Variants in DHX8 observed in about 807,000 individuals in gnomAD.
DHX8 encodes the protein ATP-dependent RNA helicase DHX8.
Under a neutral mutation model 140.7 loss-of-function variants are expected in DHX8, and 67 were observed. The observed-to-expected ratio is 0.48, with a 90% confidence interval of 0.39 to 0.58. The LOEUF is 0.58. DHX8 is among the 20% of genes least tolerant of loss of function. The probability of loss-of-function intolerance (pLI) is 0.00; values close to 1 mark genes in which losing one functional copy is unlikely to be tolerated. For synonymous variants in DHX8, 533 were observed against 553.2 expected, an observed-to-expected ratio of 0.96 and a Z score of 0.51; for missense variants, 887 against 1,550.7, an observed-to-expected ratio of 0.57 and a Z score of 7.19.
rs1189707878 is a variant in DHX8, at chr17:43,524,885, A to T, written c.*1038A>T. 7.1e-6 allele frequency: 7 copies of T among 984,862 alleles called. No homozygotes were observed. The highest frequency in any genetic ancestry group is 8.4e-6 in the Non-Finnish European group (7 of 829,878). 61.0% of individuals were successfully genotyped at this position (984,862 alleles called of 1,614,324 possible). Reference sequence around the variant, plus strand: ...TATCTGTGCTGCAGGGCTTGTTCTTAGTGGTTTTTTCCTAGCACTTGCTTG... The same window carrying T: ...TATCTGTGCTGCAGGGCTTGTTCTTTGTGGTTTTTTCCTAGCACTTGCTTG... On this transcript the variant is annotated 3_prime_UTR_variant, in exon 23 of 23. Transcript: ENST00000262415.
rs769767672 is a variant in DHX8 at position 43,523,672 on chromosome 17, G to A, written c.3488G>A (p.Arg1163His). 1.9e-6 allele frequency: 3 copies of A among 1,614,044 alleles called. No homozygotes were observed. The highest frequency in any genetic ancestry group is 1.7e-6 in the Non-Finnish European group (2 of 1,180,040). Residue 1163 changes from arginine to histidine, a missense_variant, in exon 23 of 23, where the codon CGT becomes CAT. By Grantham distance (29) the Arg-to-His change is conservative. Around this residue, in one of 9 missense-constraint regions of DHX8, gnomAD observed 101 missense variants for 168.2 expected, o/e 0.60. Transcript: ENST00000262415. The part of the protein sequence containing the change: ...ELVLTTKEYM[R>H]EVTTIDPRWL... Reference sequence around the variant, plus strand: ...GTGCTCACCACCAAGGAATACATGCGTGAAGTTACCACCATCGACCCTCGG... The same window carrying A: ...GTGCTCACCACCAAGGAATACATGCATGAAGTTACCACCATCGACCCTCGG...
intron 17 of DHX8, among the ~76,000 whole-genome samples, chr17:43,515,805 G>C (rs1047652957): frequency 2.0e-5 from 3 of 152,136 alleles, no homozygotes; most frequent in African/African-American, 7.2e-5. Flanking sequence ...TGTGATTGCT[G>C]CCTGGATTTG....
At chr17:43,529,122 C>T (rs1425842548), downstream of DHX8, 4 of 1,613,572 alleles carry the variant, frequency 2.5e-6, no homozygotes, top group East Asian at 6.7e-5. Context: ...GTCCCTAGAC[C>T]CACAGCCCCC....
chr17:43,507,731 T>C, intron 14 of DHX8, 43 bp downstream of exon 14: 1 of 1,612,218 alleles, frequency 6.2e-7, no homozygotes, highest in Non-Finnish European at 8.5e-7. Context: ...TGTTGGAAGC[T>C]GAATTCTGGC....
In DHX8 at chr17:43,524,177, A is replaced by C. The variant is rs1399179646; in HGVS notation, c.*330A>C. ...GGTGGAGTGGGTGAGCATCTTGTGCAGGGACATGGTGAGTGCCCTGATGCC... is the reference window on the plus strand; with the variant it reads ...GGTGGAGTGGGTGAGCATCTTGTGCCGGGACATGGTGAGTGCCCTGATGCC... On this transcript the variant is annotated 3_prime_UTR_variant, in exon 23 of 23. Transcript: ENST00000262415. 1 of 1,201,014 alleles carries C rather than the reference A, an allele frequency of 8.3e-7. No individual in the cohort carries two copies. The highest frequency in any genetic ancestry group is 1.0e-6 in the Non-Finnish European group (1 of 955,930). The allele number at this position is 1,201,014 out of a possible 1,614,324, so 74.4% of individuals were successfully genotyped here.
intron 17 of DHX8, among the ~76,000 whole-genome samples, chr17:43,515,289 A>G (rs749706662): frequency 1.3e-5 from 2 of 152,152 alleles, no homozygotes; most frequent in Non-Finnish European, 2.9e-5. Flanking sequence ...CCTGGGTTCA[A>G]GTGATTCCTC....
rs1969541295 is a variant in DHX8, at chr17:43,507,130, G to A, written c.1856G>A (p.Arg619Lys). The change falls in exon 13 of 23, where the codon AGA becomes AAA. Residue 619 changes from arginine to lysine, a missense_variant. This residue lies in a region of DHX8 where 178 missense variants were observed against 398.5 expected (regional missense o/e 0.45). Transcript: ENST00000262415. ...SRGKIGCTQP[R>K]RVAAMSVAKR... Reference sequence around the variant, plus strand: ...GGCAAGATTGGGTGTACCCAGCCCAGAAGAGTGGCAGCTATGTCGGTGGCC... The same window carrying A: ...GGCAAGATTGGGTGTACCCAGCCCAAAAGAGTGGCAGCTATGTCGGTGGCC... 1.2e-6 allele frequency: 2 copies of A among 1,614,042 alleles called. No individual in the cohort carries two copies. The highest frequency in any genetic ancestry group is 8.5e-7 in the Non-Finnish European group (1 of 1,180,034).
chr17:43,506,313 A>G (rs974582703), intron 12 of DHX8, among the ~76,000 whole-genome samples: 3 of 150,386 alleles, frequency 2.0e-5, no homozygotes, highest in African/African-American at 7.3e-5. Flanking sequence ...GCCTTCTTAA[A>G]CAAACAAACA....
intron 22 of DHX8, 98 bp downstream of exon 22, chr17:43,522,324 A>G: frequency 8.5e-7 from 1 of 1,175,800 alleles, no homozygotes; most frequent in Non-Finnish European, 1.2e-6. Context: ...TACTCCCAGT[A>G]TGTCCTAGTA....
downstream of DHX8, chr17:43,526,691 G>C: frequency 6.6e-7 from 1 of 1,508,454 alleles, no homozygotes; most frequent in Non-Finnish European, 8.9e-7. Context: ...CTCTCTCTTC[G>C]TGTGTGTACT....
At chr17:43,508,271 A>G (rs1191046381) in intron 15 of DHX8, 68 bp from the exon 16 acceptor site, 4 of 1,534,930 alleles carry the variant, frequency 2.6e-6, no homozygotes, top group Non-Finnish European at 3.5e-6. Flanking sequence ...TATTAATATC[A>G]CCATAGCCCT....
rs376180309 is a variant in DHX8, at chr17:43,516,557, G to A, written c.2644-610G>A. Among the ~76,000 whole-genome samples the A allele has an allele frequency of 1.8e-3, 275 of 152,086 alleles. 1 individual carries two copies. The highest frequency in any genetic ancestry group is 6.3e-3 in the African/African-American group (260 of 41,458). The stretch of plus-strand genomic sequence containing the variant: ...TCGACCTCCCCAGGCTCAGGTGATC[G>A]TCCCATCTGAGCCTCCTGAATACTG... On this transcript the variant is annotated intron_variant, in intron 17 of 22. Transcript: ENST00000262415.
intron 3 of DHX8, among the ~76,000 whole-genome samples, chr17:43,490,718 A>T (rs540487167): frequency 1.7e-4 from 26 of 152,216 alleles, no homozygotes; most frequent in African/African-American, 5.5e-4. Flanking sequence ...ACAAAAAAAT[A>T]AAAAAATTAG....
chr17:43,497,026 T>C lies in DHX8; in HGVS notation c.1300+758T>C, dbSNP rs181032450. On this transcript the variant is annotated intron_variant, in intron 9 of 22. Coordinates refer to ENST00000262415, the MANE Select transcript of DHX8 (RefSeq NM_004941.3). Reference sequence around the variant, plus strand: ...CGTACTCACCACCCAGCTTAAGAAGTAGAATTTTACAAGCACCTCTGAAGC... The same window carrying C: ...CGTACTCACCACCCAGCTTAAGAAGCAGAATTTTACAAGCACCTCTGAAGC... Among the ~76,000 whole-genome samples, 146 of 152,240 alleles carry C rather than the reference T, an allele frequency of 9.6e-4. 1 individual carries two copies. The highest frequency in any genetic ancestry group is 6.8e-3 in the Middle Eastern group (2 of 294).
downstream of DHX8, among the ~76,000 whole-genome samples, chr17:43,531,125 T>G (rs570057374): frequency 1.4e-4 from 22 of 152,288 alleles, no homozygotes; most frequent in South Asian, 8.3e-4. Flanking sequence ...GGTTCTTAGT[T>G]GGACAGCCTG....
At position 43,513,349 on chromosome 17, in the gene DHX8, C is replaced by G. The variant is rs776543935; in HGVS notation, c.2503-13C>G. ...TGGGCACCTCACTCCAGCTTTGCCC[C>G]TCTTGCCTGCAGGTTGTGATTGCCA... On this transcript the variant is annotated splice_polypyrimidine_tract_variant and intron_variant, in intron 16 of 22. Transcript: ENST00000262415. 1 of 1,611,636 alleles carries G rather than the reference C, an allele frequency of 6.2e-7. No homozygotes were observed. The highest frequency in any genetic ancestry group is 1.1e-5 in the South Asian group (1 of 90,726).
intron 1 of DHX8, among the ~76,000 whole-genome samples, chr17:43,486,191 C>CAAA (rs199805080): frequency 1.1e-5 from 1 of 91,938 alleles, no homozygotes; most frequent in Non-Finnish European, 2.3e-5. Flanking sequence ...GACTTTATTT[C>CAAA]AAAAAAAAAA....
downstream of DHX8, chr17:43,529,476 G>A: frequency 2.5e-6 from 4 of 1,582,280 alleles, no homozygotes; most frequent in Non-Finnish European, 3.4e-6. Flanking sequence ...CTTTGGAAAG[G>A]AGGGCTGGGA....
At chr17:43,517,429 T>C in intron 18 of DHX8, 107 bp downstream of exon 18, 1 of 1,300,478 alleles carries the variant, frequency 7.7e-7, no homozygotes, top group Admixed American at 2.6e-5. Flanking sequence ...AGTAACCTCA[T>C]GAAAGCAGTC....
Sources: allele counts gnomAD v4.1 joint callset (sites outside exome capture counted in the v4.1 genomes callset), GRCh38; gene constraint gnomAD v4.1.1; regional missense constraint gnomAD v4.1.1; transcripts MANE v1.5; gene names NCBI Gene and HGNC (gene_info 2026-07-23, HGNC 2026-07-21).